RAB27B: variants seen among roughly 807,000 people sequenced by gnomAD.
RAB27B encodes ras-related protein Rab-27B.
A neutral mutation model predicts 24.6 loss-of-function variants in RAB27B; 15 were observed. The ratio of observed to expected loss-of-function variants is 0.61; its 90% CI spans 0.41 to 0.94. RAB27B has a LOEUF of 0.94. RAB27B is among the 40% of genes least tolerant of loss of function. The probability of loss-of-function intolerance (pLI) is 0.00; values close to 1 mark genes in which losing one functional copy is unlikely to be tolerated. For missense variants in RAB27B, 261 were observed against 266.8 expected (o/e 0.98, Z 0.15); for synonymous variants, 105 against 92.5 (o/e 1.14, Z -0.78).
intron 2 of RAB27B, among the ~76,000 whole-genome samples, chr18:54,792,890 T>A (rs1451695644): frequency 6.6e-6 from 1 of 152,202 alleles, no homozygotes; most frequent in Non-Finnish European, 1.5e-5. Flanking sequence ...CATAATACAG[T>A]CGTTCCTCAG....
chr18:54,728,296 C>T (rs1272439447), intron 2 of RAB27B, among the ~76,000 whole-genome samples: 1 of 152,086 alleles, frequency 6.6e-6, no homozygotes, highest in Non-Finnish European at 1.5e-5. Context: ...TAGCAGCCCT[C>T]CCCTCCCTCT....
intron 1 of RAB27B, among the ~76,000 whole-genome samples, chr18:54,833,564 T>C (rs1174522883): frequency 6.6e-6 from 1 of 152,136 alleles, no homozygotes; most frequent in African/African-American, 2.4e-5. Context: ...GAAAATAGCC[T>C]TCAAAATGGA....
chr18:54,824,224 A>G (rs1005037998), upstream of RAB27B, among the ~76,000 whole-genome samples: 1 of 152,186 alleles, frequency 6.6e-6, no homozygotes, highest in Non-Finnish European at 1.5e-5. Flanking sequence ...GTGGTATTCT[A>G]TCATAATGTT....
intron 2 of RAB27B, among the ~76,000 whole-genome samples, chr18:54,805,030 C>A: frequency 6.8e-6 from 1 of 147,058 alleles, no homozygotes; most frequent in African/African-American, 2.5e-5. Context: ...TTTTTGACTG[C>A]TCTCCACCAT....
intron 2 of RAB27B, among the ~76,000 whole-genome samples, chr18:54,819,111 T>G (rs1226189589): frequency 6.7e-6 from 1 of 149,392 alleles, no homozygotes; most frequent in Non-Finnish European, 1.5e-5. Context: ...TATTTAGAAT[T>G]TTCACATTAC....
At chr18:54,862,540 A>G (rs1172975195) in intron 1 of RAB27B, among the ~76,000 whole-genome samples, 1 of 152,188 alleles carries the variant, frequency 6.6e-6, no homozygotes, top group Non-Finnish European at 1.5e-5. Context: ...GTGGATGAGG[A>G]TGGAGAAAAA....
intron 2 of RAB27B, among the ~76,000 whole-genome samples, chr18:54,765,184 C>T (rs1361457666): frequency 6.6e-6 from 1 of 152,074 alleles, no homozygotes; most frequent in Non-Finnish European, 1.5e-5. Flanking sequence ...TTACATTCTG[C>T]TTAAATTCCC....
In RAB27B at chr18:54,884,337, C is replaced by T. The variant is rs367644272; in HGVS notation, c.244C>T (p.Arg82Trp). Residue 82 changes from arginine to tryptophan, a missense_variant, in exon 4 of 6, where the codon CGG (arginine) becomes TGG (tryptophan). Transcript: ENST00000262094. ...LWDTAGQERF[R>W]SLTTAFFRDA... is the part of the protein sequence containing the mutation. Reference sequence around the variant, plus strand: ...CCCACTGTGTTTCCTTGGCAGGTTCCGGAGTCTCACCACTGCATTTTTCAG... The same window carrying T: ...CCCACTGTGTTTCCTTGGCAGGTTCTGGAGTCTCACCACTGCATTTTTCAG... 34 of 1,607,336 alleles carry T rather than the reference C, an allele frequency of 2.1e-5. No individual in the cohort carries two copies. The Admixed American group carries it at 2.2e-4, about 10-fold the overall frequency.
intron 2 of RAB27B, among the ~76,000 whole-genome samples, chr18:54,773,032 T>C (rs1232455114): frequency 6.6e-6 from 1 of 152,090 alleles, no homozygotes; most frequent in Non-Finnish European, 1.5e-5. Context: ...AAGCCATAGA[T>C]CAATTGCCAT....
At chr18:54,747,880 G>A (rs1056941184) in intron 2 of RAB27B, among the ~76,000 whole-genome samples, 1 of 152,098 alleles carries the variant, frequency 6.6e-6, no homozygotes, top group African/African-American at 2.4e-5. Flanking sequence ...GACCAAGGAA[G>A]GCAGGTCACT....
At chr18:54,883,373 A>G (rs1913004742) in intron 3 of RAB27B, among the ~76,000 whole-genome samples, 1 of 152,176 alleles carries the variant, frequency 6.6e-6, no homozygotes, top group Non-Finnish European at 1.5e-5. Context: ...CAAAGGATCT[A>G]TAAAAAGGCT....
At chr18:54,792,290 C>A (rs1040969967) in intron 2 of RAB27B, among the ~76,000 whole-genome samples, 1 of 152,154 alleles carries the variant, frequency 6.6e-6, no homozygotes, top group Non-Finnish European at 1.5e-5. Context: ...AGCCACACCC[C>A]CATCGCATGC....
chr18:54,767,982 T>G (rs1908418150), intron 2 of RAB27B, among the ~76,000 whole-genome samples: 1 of 152,136 alleles, frequency 6.6e-6, no homozygotes, highest in Non-Finnish European at 1.5e-5. Flanking sequence ...AGATAGTCCC[T>G]TCTTCCAAGA....
chr18:54,806,863 T>G (rs189660124), intron 2 of RAB27B, among the ~76,000 whole-genome samples: 1 of 152,130 alleles, frequency 6.6e-6, no homozygotes, highest in East Asian at 1.9e-4. Flanking sequence ...AATGAGTAGG[T>G]TTGAGTAAAT....
intron 2 of RAB27B, among the ~76,000 whole-genome samples, chr18:54,813,924 A>G (rs1450019354): frequency 1.3e-5 from 2 of 152,220 alleles, no homozygotes; most frequent in South Asian, 2.1e-4. Context: ...ACTTGGATCT[A>G]TGAAACTCTG....
At chr18:54,806,052 T>C (rs538909173) in intron 2 of RAB27B, among the ~76,000 whole-genome samples, 1 of 152,330 alleles carries the variant, frequency 6.6e-6, no homozygotes, top group East Asian at 1.9e-4. Context: ...AAAATATGAA[T>C]GATATACTTA....
At chr18:54,729,452 T>C (rs536586138) in intron 2 of RAB27B, among the ~76,000 whole-genome samples, 1 of 152,268 alleles carries the variant, frequency 6.6e-6, no homozygotes, top group African/African-American at 2.4e-5. Context: ...TAGAGTTAGA[T>C]TGTGGAACAC....
chr18:54,789,873 A>G (rs566025472), intron 2 of RAB27B, among the ~76,000 whole-genome samples: 111 of 152,270 alleles, frequency 7.3e-4, no homozygotes, highest in African/African-American at 2.5e-3. Flanking sequence ...TGCATTCTAC[A>G]TTTACTAAGG....
At chr18:54,829,954 G>A (rs1910612337) in intron 1 of RAB27B, among the ~76,000 whole-genome samples, 1 of 152,170 alleles carries the variant, frequency 6.6e-6, no homozygotes, top group East Asian at 1.9e-4. Context: ...TAATATTAAT[G>A]GAGCTTTTCT....
Sources: gnomAD v4.1 joint callset for allele counts (sites outside exome capture counted in the v4.1 genomes callset) on GRCh38, gnomAD v4.1.1 for gene constraint, MANE v1.5 for transcripts, NCBI Gene and HGNC (gene_info 2026-07-23, HGNC 2026-07-21) for gene names.